Variants in STARD13 observed in about 807,000 individuals in gnomAD.
The protein encoded by STARD13 is stAR-related lipid transfer protein 13.
STARD13 carries 62 observed loss-of-function variants against 106.4 expected under a neutral mutation model. The observed-to-expected ratio is 0.58, with a 90% CI of 0.48 to 0.72. The LOEUF is 0.72. STARD13 is among the 30% of genes least tolerant of loss of function. The pLI, the probability that STARD13 is intolerant of heterozygous loss-of-function variation, is 0.00. For missense variants in STARD13, 1,387 were observed against 1,424.0 expected (o/e 0.97, Z 0.42); for synonymous variants, 565 against 553.0 (o/e 1.02, Z -0.31).
chr13:33,608,930 C>T, the STARD13 span, among the ~76,000 whole-genome samples: 1 of 151,294 alleles, frequency 6.6e-6, no homozygotes, highest in Non-Finnish European at 1.5e-5. Flanking sequence ...ACTAAAAATA[C>T]AAAAAATTAG....
the STARD13 span, among the ~76,000 whole-genome samples, chr13:33,419,759 T>C: frequency 6.6e-6 from 1 of 152,224 alleles, no homozygotes; most frequent in African/African-American, 2.4e-5. Context: ...AGCAGATCTC[T>C]TGGCAGAAAC....
the STARD13 span, among the ~76,000 whole-genome samples, chr13:33,576,068 G>A: frequency 6.6e-6 from 1 of 152,174 alleles, no homozygotes; most frequent in Admixed American, 6.5e-5. Flanking sequence ...CTAGCTCAGA[G>A]GGAGCTTTAT....
chr13:33,217,042 T>C (rs1888084472), intron 1 of STARD13, among the ~76,000 whole-genome samples: 1 of 152,154 alleles, frequency 6.6e-6, no homozygotes, highest in Admixed American at 6.5e-5. Flanking sequence ...TAAACAGTAG[T>C]GGTCTTCCTG....
At chr13:33,265,351 A>T (rs1341291444) in intron 1 of STARD13, among the ~76,000 whole-genome samples, 2 of 152,148 alleles carry the variant, frequency 1.3e-5, no homozygotes, top group East Asian at 3.9e-4. Flanking sequence ...ACATTTGAAA[A>T]TCTCCTTCTT....
At chr13:33,545,231 A>G in the STARD13 span, among the ~76,000 whole-genome samples, 1 of 152,090 alleles carries the variant, frequency 6.6e-6, no homozygotes, top group Non-Finnish European at 1.5e-5. Context: ...AAGTGCTGGG[A>G]TTACAGGTGT....
the STARD13 span, among the ~76,000 whole-genome samples, chr13:33,624,618 C>T: frequency 1.3e-5 from 2 of 152,336 alleles, no homozygotes; most frequent in South Asian, 2.1e-4. Flanking sequence ...GAAAGAACAA[C>T]GGACACTCAG....
At chr13:33,656,295 G>A in the STARD13 span, among the ~76,000 whole-genome samples, 1 of 152,130 alleles carries the variant, frequency 6.6e-6, no homozygotes, top group Admixed American at 6.5e-5. Flanking sequence ...GCGATAGAAG[G>A]GAGGGAAAGA....
At chr13:33,262,642 C>CA (rs1472269251) in intron 1 of STARD13, among the ~76,000 whole-genome samples, 10 of 134,972 alleles carry the variant, frequency 7.4e-5, no homozygotes, top group African/African-American at 2.9e-4. Flanking sequence ...CCCAGAACCC[C>CA]CCCCCCCACA....
At chr13:33,106,422 A>G (rs540774939) in intron 13 of STARD13, among the ~76,000 whole-genome samples, 1 of 152,348 alleles carries the variant, frequency 6.6e-6, no homozygotes, top group Non-Finnish European at 1.5e-5. Flanking sequence ...CCTTGTCTCA[A>G]AAAGAAACAC....
the STARD13 span, among the ~76,000 whole-genome samples, chr13:33,601,369 T>C: frequency 2.6e-5 from 4 of 152,136 alleles, no homozygotes; most frequent in African/African-American, 9.7e-5. Context: ...TCAAAGAAGG[T>C]TCACATCAAA....
the STARD13 span, among the ~76,000 whole-genome samples, chr13:33,494,400 A>G: frequency 6.6e-6 from 1 of 152,106 alleles, no homozygotes; most frequent in African/African-American, 2.4e-5. Flanking sequence ...CAGCCCCTAA[A>G]TGCAGTACCT....
At chr13:33,458,966 A>G in the STARD13 span, among the ~76,000 whole-genome samples, 1 of 151,842 alleles carries the variant, frequency 6.6e-6, no homozygotes, top group Admixed American at 6.6e-5. Context: ...GATTACAGGC[A>G]CACACCACAA....
At chr13:33,126,882 G>A (rs1383328787) in intron 6 of STARD13, among the ~76,000 whole-genome samples, 1 of 138,144 alleles carries the variant, frequency 7.2e-6, no homozygotes, top group Non-Finnish European at 1.6e-5. Context: ...GTTCTAACAT[G>A]CTTCTGTCAA....
At chr13:33,505,444 G>A in the STARD13 span, among the ~76,000 whole-genome samples, 3 of 151,864 alleles carry the variant, frequency 2.0e-5, no homozygotes, top group African/African-American at 7.3e-5. Flanking sequence ...TATATAGTAG[G>A]ACATTAAATA....
the STARD13 span, among the ~76,000 whole-genome samples, chr13:33,463,383 C>T: frequency 5.4e-3 from 828 of 152,330 alleles, 30 homozygotes; most frequent in Admixed American, 0.044. Flanking sequence ...AAGGTGATAA[C>T]TTCCAGGTTG....
At chr13:33,286,260 A>T (rs939292652), upstream of STARD13, among the ~76,000 whole-genome samples, 6 of 152,220 alleles carry the variant, frequency 3.9e-5, no homozygotes, top group Non-Finnish European at 2.9e-5. Flanking sequence ...AAACTTTTCC[A>T]GTGAAAAATA....
At chr13:33,120,869 A>G (rs1876178977) in intron 7 of STARD13, among the ~76,000 whole-genome samples, 1 of 151,726 alleles carries the variant, frequency 6.6e-6, no homozygotes, top group African/African-American at 2.4e-5. Flanking sequence ...CCTACTAAGT[A>G]GCTGGGATTA....
At chr13:33,448,127 T>G in the STARD13 span, among the ~76,000 whole-genome samples, 5 of 152,218 alleles carry the variant, frequency 3.3e-5, no homozygotes, top group African/African-American at 1.2e-4. Flanking sequence ...GTGTTCATTG[T>G]GTTATGAGCA....
the STARD13 span, among the ~76,000 whole-genome samples, chr13:33,404,419 T>A: frequency 6.6e-6 from 1 of 152,192 alleles, no homozygotes; most frequent in African/African-American, 2.4e-5. Context: ...GTCTGACTAA[T>A]GGAAGAAATC....
Sources: gnomAD v4.1 joint callset for allele counts (sites outside exome capture counted in the v4.1 genomes callset) on GRCh38, gnomAD v4.1.1 for gene constraint, MANE v1.5 for transcripts, NCBI Gene and HGNC (gene_info 2026-07-23, HGNC 2026-07-21) for gene names.